The following CHST15 variants were observed in gnomAD, a reference collection of about 807,000 sequenced individuals.
CHST15 encodes B cell RAG associated protein (GALNAC4S-6ST).
In CHST15, 30 loss-of-function variants were observed where a neutral mutation model predicts 53.6. The ratio of observed to expected loss-of-function variants is 0.56; its 90% CI spans 0.42 to 0.76. The LOEUF is 0.76. CHST15 is among the 30% of genes least tolerant of loss of function. The pLI is 0.00. For missense variants in CHST15, 627 were observed against 740.5 expected (o/e 0.85, Z 1.78); for synonymous variants, 296 against 289.8 (o/e 1.02, Z -0.22).
intron 1 of CHST15, among the ~76,000 whole-genome samples, chr10:124,066,251 C>CTAGGAGAGT (rs1407882174): frequency 1.3e-5 from 2 of 152,020 alleles, no homozygotes; most frequent in Non-Finnish European, 2.9e-5. Flanking sequence ...GAGCTTTGAG[C>CTAGGAGAGT]GTCGACCAGC....
chr10:124,014,365 C>T (rs574717431), intron 6 of CHST15, among the ~76,000 whole-genome samples: 58 of 152,334 alleles, frequency 3.8e-4, no homozygotes, highest in African/African-American at 1.4e-3. Context: ...TTTCCCATTT[C>T]ATTATTTTTC....
chr10:124,012,265 A>G, intron 7 of CHST15, 68 bp downstream of exon 7: 1 of 1,552,532 alleles, frequency 6.4e-7, no homozygotes, highest in South Asian at 1.2e-5. Context: ...CATTTGCCCC[A>G]GAGGACTCCC....
chr10:124,039,311 G>C (rs1947645837), intron 4 of CHST15, among the ~76,000 whole-genome samples: 1 of 152,180 alleles, frequency 6.6e-6, no homozygotes, highest in Non-Finnish European at 1.5e-5. Context: ...GAGCCGGGAG[G>C]AGCCGAGAAC....
Position 124,042,192 on chromosome 10 carries a change from G to C in CHST15, c.1033+109C>G. 3.5e-6 allele frequency: 4 copies of C among 1,158,788 alleles called. No individual in the cohort carries two copies. The South Asian group carries it at 6.5e-5, about 19-fold the overall frequency. 71.8% of individuals were successfully genotyped at this position (1,158,788 alleles called of 1,614,324 possible). On this transcript the variant is annotated intron_variant, in intron 4 of 7. Transcript: ENST00000435907. ...AGTGGAGGCTCAAAAGAAGTTTGCT[G>C]CCACCATGTAAATGTTCTGGAGGTG...
intron 1 of CHST15, among the ~76,000 whole-genome samples, chr10:124,089,127 C>T (rs929352672): frequency 2.0e-5 from 3 of 152,174 alleles, no homozygotes; most frequent in Non-Finnish European, 2.9e-5. Flanking sequence ...CAGAGTGACC[C>T]TTTGAAGTAA....
rs762290121 is a variant in CHST15, at chr10:124,021,240, G to C, written c.1347+16C>G. 24 of 1,563,340 alleles carry C rather than the reference G, an allele frequency of 1.5e-5. 1 individual carries two copies. Among genetic ancestry groups the C allele is most frequent in the Admixed American group, 8.8e-5 (5 of 57,054 alleles). On this transcript the variant is annotated intron_variant, in intron 6 of 7. Transcript: ENST00000435907. The stretch of plus-strand genomic sequence containing the variant: ...CAGGGGCCAGCTCGGGGGGTACGGG[G>C]GGGGGGGGTACACACAGGCATGGCG...
chr10:124,060,049 C>G (rs1390489502), intron 1 of CHST15, among the ~76,000 whole-genome samples: 1 of 152,144 alleles, frequency 6.6e-6, no homozygotes, highest in Non-Finnish European at 1.5e-5. Flanking sequence ...GAGAACAGCT[C>G]CAGTACCAAC....
rs898276390 is a variant in CHST15 at position 124,019,472 on chromosome 10, G to A, written c.1347+1784C>T. On this transcript the variant is annotated intron_variant, in intron 6 of 7. Coordinates refer to ENST00000435907, the MANE Select transcript of CHST15 (RefSeq NM_001270764.2). This position sits in a 1 kb window ranked among gnomAD's most constrained non-coding sequence, Gnocchi z 4.6. ...GTTTCTCCGAGACCCTGTGTCCCCT[G>A]TGACGGTGGCCACAGAGCCATTGAG... Among the ~76,000 whole-genome samples the A allele has an allele frequency of 1.3e-5, 2 of 152,138 alleles. No homozygotes were observed. The highest frequency in any genetic ancestry group is 1.3e-4 in the Admixed American group (2 of 15,286).
chr10:124,020,851 T>A (rs1946752662), intron 6 of CHST15: 2 of 1,244,640 alleles, frequency 1.6e-6, no homozygotes, highest in Middle Eastern at 3.1e-4. Context: ...CAAAGAAGCA[T>A]TGAAAATCAT....
chr10:124,035,125 C>T (rs530753167), intron 5 of CHST15, among the ~76,000 whole-genome samples: 12 of 143,404 alleles, frequency 8.4e-5, no homozygotes, highest in African/African-American at 1.6e-4. Flanking sequence ...CGCCCCCTAA[C>T]AGGGACCCCG....
intron 1 of CHST15, among the ~76,000 whole-genome samples, chr10:124,092,621 C>A (rs1188814887): frequency 6.6e-6 from 1 of 152,220 alleles, no homozygotes; most frequent in Non-Finnish European, 1.5e-5. Context: ...TCTGGCCTCC[C>A]CGCCCGGAAC....
Position 124,008,314 on chromosome 10 carries a change from T to C in CHST15, c.*1835A>G. Reference sequence around the variant, plus strand: ...TCATTAGCAACTGAACAGAACCCACTCAGAAGACGCACTCACCCACACGTG... The same window carrying C: ...TCATTAGCAACTGAACAGAACCCACCCAGAAGACGCACTCACCCACACGTG... On this transcript the variant is annotated 3_prime_UTR_variant, in exon 8 of 8. Coordinates refer to ENST00000435907, the MANE Select transcript of CHST15 (RefSeq NM_001270764.2). 9.0e-7 allele frequency: 1 copy of C among 1,111,992 alleles called. No individual in the cohort carries two copies. The highest frequency in any genetic ancestry group is 1.1e-6 in the Non-Finnish European group (1 of 913,194). The allele number at this position is 1,111,992 out of a possible 1,614,324, so 68.9% of individuals were successfully genotyped here. A position where few individuals can be genotyped will look rare whatever the true frequency, so the allele number is the denominator to read the frequency against.
intron 4 of CHST15, among the ~76,000 whole-genome samples, chr10:124,040,580 GT>G (rs1947695539): frequency 1.3e-5 from 2 of 152,194 alleles, no homozygotes; most frequent in African/African-American, 4.8e-5. Context: ...AGATCCTGCT[GT>G]TTCTGCCCCG....
At chr10:124,031,956 C>T (rs1947242204) in intron 5 of CHST15, among the ~76,000 whole-genome samples, 1 of 152,182 alleles carries the variant, frequency 6.6e-6, no homozygotes, top group Non-Finnish European at 1.5e-5. Context: ...AAGCTGTGCA[C>T]CACCCTGAGG....
intron 5 of CHST15, among the ~76,000 whole-genome samples, chr10:124,022,024 A>C (rs770644600): frequency 3.3e-5 from 5 of 152,182 alleles, no homozygotes; most frequent in Admixed American, 3.3e-4. Flanking sequence ...GTGGACACAG[A>C]TCTGTTCCTA....
Position 124,038,629 on chromosome 10 carries a change from G to T in CHST15, c.1076C>A (p.Thr359Lys), listed in dbSNP as rs767590394. 1 of 1,614,060 alleles carries T rather than the reference G, an allele frequency of 6.2e-7. No homozygotes were observed. Among genetic ancestry groups the T allele is most frequent in the Non-Finnish European group, 8.5e-7 (1 of 1,180,048 alleles). Reference sequence around the variant, plus strand: ...ATCCGTGCTGTTGTCGTAGAAGAACGTCCAGGCATTATTATCCCACATCGT... The same window carrying T: ...ATCCGTGCTGTTGTCGTAGAAGAACTTCCAGGCATTATTATCCCACATCGT... ...ASTMWDNNAW[T>K]FFYDNSTDGE... The change falls in exon 5 of 8, where the codon ACG (threonine) becomes AAG (lysine). Residue 359 changes from threonine to lysine, a missense_variant. Thr to Lys is a moderately conservative substitution (Grantham distance 78). This residue lies in a region of CHST15 where 279 missense variants were observed against 371.6 expected (regional missense o/e 0.75). Coordinates refer to ENST00000435907, the MANE Select transcript of CHST15 (RefSeq NM_001270764.2).
At chr10:124,021,907 A>AT (rs1338834347) in intron 5 of CHST15, among the ~76,000 whole-genome samples, 1 of 152,252 alleles carries the variant, frequency 6.6e-6, no homozygotes, top group East Asian at 1.9e-4. Flanking sequence ...ATTGAAAAAA[A>AT]AATGATGAGA....
intron 1 of CHST15, among the ~76,000 whole-genome samples, chr10:124,081,247 A>C (rs1009499623): frequency 2.0e-5 from 3 of 152,220 alleles, no homozygotes; most frequent in African/African-American, 7.2e-5. Flanking sequence ...TTGCCATAGG[A>C]GAACTGGAAA....
At chr10:124,038,083 GTTTATT>G (rs1947577992) in intron 5 of CHST15, among the ~76,000 whole-genome samples, 3 of 151,412 alleles carry the variant, frequency 2.0e-5, no homozygotes. Flanking sequence ...TGCAAGTTCC[GTTTATT>G]TTTGTTTGTT....
Sources: gnomAD v4.1 joint callset for allele counts (sites outside exome capture counted in the v4.1 genomes callset) on GRCh38, gnomAD v4.1.1 for gene constraint, gnomAD v4.1.1 regional missense constraint, Gnocchi (gnomAD v3.1) non-coding constraint, MANE v1.5 for transcripts, NCBI Gene and HGNC (gene_info 2026-07-23, HGNC 2026-07-21) for gene names.